The following APP variants were observed in gnomAD, a reference collection of about 807,000 sequenced individuals.
The protein encoded by APP is amyloid beta precursor protein.
APP carries 31 observed loss-of-function variants against 101.4 expected under a neutral mutation model. The observed-to-expected ratio is 0.31, with a 90% CI of 0.23 to 0.41. The LOEUF is 0.41. Ranked by LOEUF, APP falls within the 10% of genes least tolerant of loss-of-function variation. APP has a pLI of 1.00. For synonymous variants in APP, 366 were observed against 364.4 expected, an observed-to-expected ratio of 1.00 and a Z score of -0.05; for missense variants, 839 against 1,003.7, an observed-to-expected ratio of 0.84 and a Z score of 2.22.
intron 3 of APP, among the ~76,000 whole-genome samples, chr21:26,083,844 GTTAC>G (rs1423302002): frequency 2.0e-5 from 3 of 152,002 alleles, no homozygotes; most frequent in Admixed American, 1.3e-4. Context: ...TTAATGCCTC[GTTAC>G]TTAATGACAC....
chr21:26,132,103 G>C (rs1249911695), intron 1 of APP, among the ~76,000 whole-genome samples: 1 of 152,070 alleles, frequency 6.6e-6, no homozygotes, highest in African/African-American at 2.4e-5. Flanking sequence ...TAAGATAAAA[G>C]TACTTTGGCA....
chr21:26,031,746 T>A (rs915793055), intron 5 of APP, among the ~76,000 whole-genome samples: 1 of 152,058 alleles, frequency 6.6e-6, no homozygotes, highest in Non-Finnish European at 1.5e-5. Context: ...GGAGATATAA[T>A]TGAAGTTGAT....
intron 11 of APP, among the ~76,000 whole-genome samples, chr21:25,970,000 CAGAG>C (rs1373156935): frequency 8.7e-6 from 1 of 114,320 alleles, no homozygotes; most frequent in Non-Finnish European, 1.8e-5. Context: ...GAAAGAGAAA[CAGAG>C]AAAGAGAGAG....
chr21:25,901,524 G>A (rs1273726800), intron 15 of APP, among the ~76,000 whole-genome samples: 1 of 152,134 alleles, frequency 6.6e-6, no homozygotes, highest in Non-Finnish European at 1.5e-5. Flanking sequence ...AGCATGAATA[G>A]TCATCTAGGG....
intron 5 of APP, among the ~76,000 whole-genome samples, chr21:26,022,262 G>C (rs1452937614): frequency 2.0e-5 from 3 of 152,156 alleles, no homozygotes; most frequent in Non-Finnish European, 4.4e-5. Context: ...GGGATGCCAT[G>C]AGTCTAACCA....
At chr21:25,989,454 C>A (rs2830000) in intron 8 of APP, among the ~76,000 whole-genome samples, 45,869 of 151,954 alleles carry the variant, frequency 0.3, 7,705 homozygotes, top group African/African-American at 0.45. Flanking sequence ...CTGGGGTGAC[C>A]CATAATTTTA....
chr21:26,061,532 A>G (rs2046264803), intron 3 of APP, among the ~76,000 whole-genome samples: 1 of 152,222 alleles, frequency 6.6e-6, no homozygotes, highest in Non-Finnish European at 1.5e-5. Flanking sequence ...AAGAGACGGG[A>G]CGATTACTTC....
intron 11 of APP, among the ~76,000 whole-genome samples, chr21:25,973,326 C>T (rs928367175): frequency 6.6e-6 from 1 of 151,992 alleles, no homozygotes; most frequent in Non-Finnish European, 1.5e-5. Flanking sequence ...ATGCTGCCTA[C>T]AAAAAATACA....
At chr21:26,067,620 C>T (rs2046507896) in intron 3 of APP, among the ~76,000 whole-genome samples, 1 of 152,170 alleles carries the variant, frequency 6.6e-6, no homozygotes, top group African/African-American at 2.4e-5. Flanking sequence ...TTCTATGTTA[C>T]CATCATTAAC....
chr21:26,016,776 T>C (rs916474031), intron 6 of APP, among the ~76,000 whole-genome samples: 20 of 152,144 alleles, frequency 1.3e-4, no homozygotes, highest in Non-Finnish European at 2.6e-4. Flanking sequence ...TTCACCGTGT[T>C]AGCCAGGATG....
At chr21:26,042,108 C>T (rs1410723462) in intron 5 of APP, among the ~76,000 whole-genome samples, 1 of 151,614 alleles carries the variant, frequency 6.6e-6, no homozygotes, top group Non-Finnish European at 1.5e-5. Context: ...ATTCACTTTG[C>T]GGCCCTCTAA....
rs576448354 is a variant in APP at position 25,972,125 on chromosome 21, G to C, written c.1458+2945C>G. Among the ~76,000 whole-genome samples the C allele has an allele frequency of 1.0e-3, 155 of 152,084 alleles. 1 individual carries two copies. Among genetic ancestry groups the C allele is most frequent in the Non-Finnish European group, 7.9e-4 (54 of 68,012 alleles). On this transcript the variant is annotated intron_variant, in intron 11 of 17. Transcript: ENST00000346798. ...TTTAAACAGTTTTCATATAATAACT[G>C]TATTCCATAGGTTCAAAAGTTAAGA...
chr21:26,039,542 C>A (rs1025501875), intron 5 of APP, among the ~76,000 whole-genome samples: 1 of 152,168 alleles, frequency 6.6e-6, no homozygotes, highest in Non-Finnish European at 1.5e-5. Flanking sequence ...CTTTTGAATA[C>A]CCTTGGCAAA....
chr21:25,971,716 G>A (rs1042649020), intron 11 of APP, among the ~76,000 whole-genome samples: 1 of 152,214 alleles, frequency 6.6e-6, no homozygotes, highest in African/African-American at 2.4e-5. Flanking sequence ...AGTGCTTGGT[G>A]TTCACACAGG....
At chr21:26,021,115 T>C (rs2044318818) in intron 6 of APP, among the ~76,000 whole-genome samples, 1 of 149,058 alleles carries the variant, frequency 6.7e-6, no homozygotes, top group African/African-American at 2.5e-5. Context: ...TGGTGTGATC[T>C]CAGCTCACTG....
chr21:26,060,088 T>C (rs980533770), intron 3 of APP, among the ~76,000 whole-genome samples: 3 of 152,122 alleles, frequency 2.0e-5, no homozygotes, highest in Non-Finnish European at 4.4e-5. Context: ...CCAGTATCTA[T>C]CTCATCAACC....
Position 26,123,560 on chromosome 21 carries a change from C to T in APP, c.58-11414G>A, listed in dbSNP as rs537758413. 3.9e-5 allele frequency among the ~76,000 whole-genome samples: 6 copies of T among 152,268 alleles called. No homozygotes were observed. The South Asian group carries it at 1.2e-3, about 32-fold the overall frequency. The stretch of plus-strand genomic sequence containing the variant: ...TTACACCAAAGCACTATCAAAGAAG[C>T]TCTCCCTTTGTAGAGCCCTCAGATT... On this transcript the variant is annotated intron_variant, in intron 1 of 17. Coordinates refer to ENST00000346798, the MANE Select transcript of APP (RefSeq NM_000484.4).
intron 12 of APP, 78 bp downstream of exon 12, chr21:25,955,549 T>C: frequency 6.2e-7 from 1 of 1,606,838 alleles, no homozygotes; most frequent in Non-Finnish European, 8.5e-7. Context: ...GGAGAATGCG[T>C]GGGATCCTGT....
At chr21:26,066,608 ATC>A (rs1030902716) in intron 3 of APP, among the ~76,000 whole-genome samples, 1 of 152,006 alleles carries the variant, frequency 6.6e-6, no homozygotes, top group African/African-American at 2.4e-5. Context: ...AGAATCAAGT[ATC>A]TGTCTTTTGG....
Sources: allele counts gnomAD v4.1 joint callset (sites outside exome capture counted in the v4.1 genomes callset), GRCh38; gene constraint gnomAD v4.1.1; transcripts MANE v1.5; gene names NCBI Gene and HGNC (gene_info 2026-07-23, HGNC 2026-07-21).